HYDIN: variants seen among roughly 807,000 people sequenced by gnomAD.
The protein encoded by HYDIN is HYDIN axonemal central pair apparatus protein.
HYDIN carries 132 observed loss-of-function variants against 403.9 expected under a neutral mutation model. That is an observed-to-expected ratio of 0.33 (90% confidence interval 0.28 to 0.38). The LOEUF is 0.38. HYDIN is among the 10% of genes least tolerant of loss of function. HYDIN has a pLI of 1.00. For synonymous variants in HYDIN, 1,202 were observed against 1,891.7 expected, an observed-to-expected ratio of 0.64 and a Z score of 9.46; for missense variants, 2,827 against 5,009.5, an observed-to-expected ratio of 0.56 and a Z score of 13.15.
rs200226975 is a variant in HYDIN, at chr16:70,833,876, T to A, written c.13679+11A>T. On this transcript the variant is annotated intron_variant, in intron 79 of 85. Coordinates refer to ENST00000393567, the MANE Select transcript of HYDIN (RefSeq NM_001270974.2). Reference sequence around the variant, plus strand: ...GGGGCAGCCTCAGGGTGGGAGACACTGCTCCCTTACCTTGCACCCACATCG... The same window carrying A: ...GGGGCAGCCTCAGGGTGGGAGACACAGCTCCCTTACCTTGCACCCACATCG... 2.8e-5 allele frequency: 45 copies of A among 1,603,836 alleles called. No homozygotes were observed. The highest frequency in any genetic ancestry group is 3.7e-5 in the Non-Finnish European group (44 of 1,176,208).
rs1567799162 is a variant in HYDIN at position 70,902,809 on chromosome 16, ATATATATATATATTTTTT to A, written c.8849+798_8849+815del. 4.5e-5 allele frequency among the ~76,000 whole-genome samples: 3 copies of A among 66,182 alleles called. 1 individual carries two copies. Among genetic ancestry groups the A allele is most frequent in the African/African-American group, 3.3e-4 (3 of 9,140 alleles). 43.4% of individuals were successfully genotyped at this position (66,182 alleles called of 152,430 possible). ...CTACTCTTTAAATATATATATATAT[ATATATATATATATTTTTT>A]TTTTTTTTTTTGTCCCACTCTCTCT... On this transcript the variant is annotated intron_variant, in intron 52 of 85. Coordinates refer to ENST00000393567, the MANE Select transcript of HYDIN (RefSeq NM_001270974.2).
At chr16:71,096,239 G>C (rs2083274782) in intron 10 of HYDIN, among the ~76,000 whole-genome samples, 1 of 151,312 alleles carries the variant, frequency 6.6e-6, no homozygotes, top group Admixed American at 6.6e-5. Flanking sequence ...TTGCTCAATT[G>C]AAACAATCTA....
At chr16:71,040,235 G>A (rs62037608) in intron 18 of HYDIN, among the ~76,000 whole-genome samples, 4,659 of 151,630 alleles carry the variant, frequency 0.031, 99 homozygotes, top group Non-Finnish European at 0.049. Flanking sequence ...ATTCGCTTGC[G>A]TGCTCCCTCC....
intron 58 of HYDIN, among the ~76,000 whole-genome samples, chr16:70,885,808 A>G (rs576884898): frequency 2.7e-4 from 41 of 152,290 alleles, no homozygotes; most frequent in Non-Finnish European, 8.8e-5. Flanking sequence ...TTGTTAATGA[A>G]ATAGAAGCCT....
intron 24 of HYDIN, 138 bp downstream of exon 24, chr16:70,991,932 C>G (rs16943619): frequency 0.09 from 129,776 of 1,449,236 alleles, 8,304 homozygotes; most frequent in African/African-American, 0.33. Context: ...AGTCTGGGGC[C>G]TACACATAGA....
chr16:71,073,785 T>C (rs1159950667), intron 13 of HYDIN, among the ~76,000 whole-genome samples: 2 of 152,140 alleles, frequency 1.3e-5, no homozygotes, highest in Admixed American at 6.5e-5. Flanking sequence ...CATCCAAGGA[T>C]TCATCTATGC....
intron 1 of HYDIN, chr16:71,203,908 T>C: frequency 2.3e-6 from 1 of 435,224 alleles, no homozygotes; most frequent in South Asian, 1.7e-5. Flanking sequence ...CTACAAAAAA[T>C]ACCAAGATTA....
At chr16:71,080,137 G>T (rs2082739383) in intron 12 of HYDIN, 185 bp from the exon 13 acceptor site, 2 of 469,396 alleles carry the variant, frequency 4.3e-6, no homozygotes, top group Admixed American at 7.3e-5. Flanking sequence ...TCTTTTTCAT[G>T]ATTCAAACCA....
intron 1 of HYDIN, among the ~76,000 whole-genome samples, chr16:71,200,426 T>G (rs2087937901): frequency 6.6e-6 from 1 of 152,220 alleles, no homozygotes; most frequent in Non-Finnish European, 1.5e-5. Flanking sequence ...AAAAGTCTAC[T>G]GAGAGCATGG....
intron 23 of HYDIN, among the ~76,000 whole-genome samples, chr16:71,002,366 T>C (rs1046133752): frequency 3.1e-4 from 47 of 152,050 alleles, no homozygotes; most frequent in Non-Finnish European, 5.7e-4. Flanking sequence ...GGCAACATAA[T>C]GAGACCCCCA....
At chr16:70,928,388 A>G (rs545575205) in intron 45 of HYDIN, among the ~76,000 whole-genome samples, 1 of 152,258 alleles carries the variant, frequency 6.6e-6, no homozygotes, top group East Asian at 1.9e-4. Flanking sequence ...CCTGGGGGAG[A>G]TCAAGGCTGC....
chr16:71,210,556 A>G (rs1206767308), intron 1 of HYDIN, among the ~76,000 whole-genome samples: 1 of 152,178 alleles, frequency 6.6e-6, no homozygotes, highest in Non-Finnish European at 1.5e-5. Flanking sequence ...GCTTTCAGGT[A>G]CTATGCTTAG....
intron 4 of HYDIN, among the ~76,000 whole-genome samples, chr16:71,177,253 G>T (rs994034588): frequency 2.0e-5 from 3 of 152,188 alleles, no homozygotes; most frequent in African/African-American, 7.2e-5. Context: ...AGGTCAGAGA[G>T]GATGCTTTGG....
intron 23 of HYDIN, among the ~76,000 whole-genome samples, chr16:71,001,412 AC>A (rs1326746105): frequency 2.5e-5 from 3 of 121,808 alleles, no homozygotes; most frequent in Admixed American, 9.0e-5. Context: ...AAAAAAAAAA[AC>A]ACATAAAAAA....
chr16:70,906,112 C>G (rs1239276171), intron 50 of HYDIN, among the ~76,000 whole-genome samples: 2 of 151,720 alleles, frequency 1.3e-5, no homozygotes, highest in Non-Finnish European at 2.9e-5. Flanking sequence ...GTTTTGGTTT[C>G]ACTCCCTGCC....
At chr16:71,174,172 T>C (rs183601555) in intron 5 of HYDIN, among the ~76,000 whole-genome samples, 285 of 152,314 alleles carry the variant, frequency 1.9e-3, no homozygotes, top group Non-Finnish European at 3.7e-3. Context: ...CAACCTAACA[T>C]ATAAATGGTA....
At chr16:71,211,974 T>C (rs2088615518) in intron 1 of HYDIN, among the ~76,000 whole-genome samples, 1 of 152,110 alleles carries the variant, frequency 6.6e-6, no homozygotes, top group East Asian at 1.9e-4. Flanking sequence ...GTAAAACAAC[T>C]GGAGTCTTCA....
At chr16:71,213,984 C>T (rs1480809099) in intron 1 of HYDIN, among the ~76,000 whole-genome samples, 2 of 151,936 alleles carry the variant, frequency 1.3e-5, no homozygotes, top group African/African-American at 4.8e-5. Context: ...CAAAACAAAA[C>T]TCAAATTGTT....
chr16:71,181,574 G>C (rs953698071), intron 3 of HYDIN, among the ~76,000 whole-genome samples: 2 of 151,934 alleles, frequency 1.3e-5, no homozygotes, highest in African/African-American at 4.8e-5. Context: ...TTTAATTTCT[G>C]GCTAATTGAA....
Sources: allele counts gnomAD v4.1 joint callset (sites outside exome capture counted in the v4.1 genomes callset), GRCh38; gene constraint gnomAD v4.1.1; transcripts MANE v1.5; gene names NCBI Gene and HGNC (gene_info 2026-07-23, HGNC 2026-07-21).